SCPEP1: variants seen among roughly 807,000 people sequenced by gnomAD.
SCPEP1 encodes retinoid-inducible serine carboxypeptidase.
In SCPEP1, 51 loss-of-function variants were observed where a neutral mutation model predicts 63.8. The ratio of observed to expected loss-of-function variants is 0.80; its 90% CI spans 0.64 to 1.01. The LOEUF (loss-of-function observed/expected upper bound fraction) is 1.01, where lower values mean the gene tolerates loss of function less well. SCPEP1 is among the 50% of genes least tolerant of loss of function. The pLI, the probability that SCPEP1 is intolerant of heterozygous loss-of-function variation, is 0.00. For synonymous variants in SCPEP1, 204 were observed against 207.8 expected (o/e 0.98, Z 0.16); for missense variants, 499 against 554.9 (o/e 0.90, Z 1.01).
At position 57,006,454 on chromosome 17, in the gene SCPEP1, ATTTGT is replaced by A. The variant is rs1488159296; in HGVS notation, c.*224_*228del. On this transcript the variant is annotated 3_prime_UTR_variant, in exon 13 of 13. Transcript: ENST00000262288. The stretch of plus-strand genomic sequence containing the variant: ...AAACCTAAGATTTTTTAAAAAATTG[ATTTGT>A]TTTGATCAAAATAAAGGATGATAAT... 8.2e-6 allele frequency: 3 copies of A among 366,914 alleles called. No individual in the cohort carries two copies. The highest frequency in any genetic ancestry group is 4.5e-5 in the Admixed American group (1 of 22,242). The allele number at this position is 366,914 out of a possible 1,614,324, so 22.7% of individuals were successfully genotyped here. A position where few individuals can be genotyped will look rare whatever the true frequency, so the allele number is the denominator to read the frequency against.
Position 56,985,427 on chromosome 17 carries a change from G to T in SCPEP1, c.275G>T (p.Gly92Val). The T allele has an allele frequency of 6.2e-7, 1 of 1,614,154 alleles. No individual in the cohort carries two copies. The highest frequency in any genetic ancestry group is 8.5e-7 in the Non-Finnish European group (1 of 1,180,024). Residue 92 changes from glycine (G) to valine (V), a missense_variant, in exon 3 of 13, where the codon GGG becomes GTG. Transcript: ENST00000262288. Reference protein sequence around the residue: ...STGFGNFEEIGPLDSDLKPRK... With the variant: ...STGFGNFEEIVPLDSDLKPRK... ...GGATTTGGAAACTTTGAGGAAATTG[G>T]GCCCCTTGACAGTGATCTCAAACCA...
chr17:56,996,836 T>C, intron 8 of SCPEP1, 126 bp from the exon 9 acceptor site: 1 of 570,462 alleles, frequency 1.8e-6, no homozygotes, highest in Non-Finnish European at 3.0e-6. Context: ...TATTTCTTTC[T>C]GATCCAAGCA....
chr17:56,989,764 T>C (rs1727690855), intron 5 of SCPEP1, among the ~76,000 whole-genome samples: 1 of 152,132 alleles, frequency 6.6e-6, no homozygotes, highest in Non-Finnish European at 1.5e-5. Context: ...CTAGCCAACA[T>C]GGTGAAACCC....
rs146229373 is a variant in SCPEP1, at chr17:56,997,106, A to G, written c.880+51A>G. 2.0e-4 allele frequency: 231 copies of G among 1,161,306 alleles called. No individual in the cohort carries two copies. The Admixed American group carries it at 5.5e-3, about 28-fold the overall frequency. The allele number at this position is 1,161,306 out of a possible 1,614,324, so 71.9% of individuals were successfully genotyped here. ...GTCCCTGCCTCAGCCTCCATGCAAA[A>G]AGAAACCTGTTTATTAAAAAAAAAA... is the stretch of plus-strand genomic sequence containing the variant. On this transcript the variant is annotated intron_variant, in intron 9 of 12. Transcript: ENST00000262288.
At chr17:56,988,127 C>G in intron 4 of SCPEP1, 89 bp from the exon 5 acceptor site, 1 of 1,087,452 alleles carries the variant, frequency 9.2e-7, no homozygotes, top group Non-Finnish European at 1.4e-6. Flanking sequence ...TTTTTCTGGT[C>G]ATTACGTGCA....
In SCPEP1 at chr17:56,998,502, C is replaced by T; in HGVS notation, c.994+4C>T. 1 of 1,595,966 alleles carries T rather than the reference C, an allele frequency of 6.3e-7. No homozygotes were observed. The highest frequency in any genetic ancestry group is 8.6e-7 in the Non-Finnish European group (1 of 1,163,744). On this transcript the variant is annotated splice_donor_region_variant and intron_variant, in intron 10 of 12. Transcript: ENST00000262288. ...CCTGAGGATCAATCCTGGGGAGGTA[C>T]TTATATGACCTAATTAAGTGCCGTT...
intron 2 of SCPEP1, 183 bp from the exon 3 acceptor site, chr17:56,985,195 C>T (rs892868000): frequency 1.6e-6 from 1 of 613,488 alleles, no homozygotes; most frequent in African/African-American, 1.9e-5. Context: ...AGAGAAAAAC[C>T]TCAGCAGTTA....
At chr17:56,998,295 G>A (rs549582686) in intron 9 of SCPEP1, 90 bp from the exon 10 acceptor site, 1 of 835,250 alleles carries the variant, frequency 1.2e-6, no homozygotes, top group African/African-American at 1.7e-5. Context: ...TGGAGACAGA[G>A]AGAGATTCTG....
At chr17:56,988,094 G>A in intron 4 of SCPEP1, 122 bp from the exon 5 acceptor site, 1 of 824,086 alleles carries the variant, frequency 1.2e-6, no homozygotes, top group South Asian at 1.8e-5. Context: ...GAGTGGTGGG[G>A]GAGGAAGACA....
intron 3 of SCPEP1, 52 bp downstream of exon 3, chr17:56,985,519 C>T (rs760737675): frequency 2.2e-6 from 3 of 1,365,588 alleles, no homozygotes; most frequent in Non-Finnish European, 3.1e-6. Context: ...CTCTCAGAGG[C>T]CCTGCCCAAC....
At chr17:56,992,043 A>G (rs1353107923) in intron 6 of SCPEP1, among the ~76,000 whole-genome samples, 2 of 152,256 alleles carry the variant, frequency 1.3e-5, no homozygotes, top group African/African-American at 4.8e-5. Flanking sequence ...AAGGAGGGAA[A>G]TAAGCAGGAA....
intron 8 of SCPEP1, among the ~76,000 whole-genome samples, chr17:56,996,245 C>T (rs1326203003): frequency 6.6e-6 from 1 of 152,048 alleles, no homozygotes; most frequent in African/African-American, 2.4e-5. Flanking sequence ...GAGACACTCG[C>T]CCAGGCTGGA....
intron 11 of SCPEP1, 117 bp downstream of exon 11, chr17:57,001,109 C>A: frequency 9.3e-7 from 1 of 1,069,862 alleles, no homozygotes; most frequent in Non-Finnish European, 1.4e-6. Flanking sequence ...GGTGGAAGGC[C>A]ATTTCCCATT....
Position 57,002,656 on chromosome 17 carries a change from G to C in SCPEP1, c.1296+475G>C, listed in dbSNP as rs190731131. Among the ~76,000 whole-genome samples the C allele has an allele frequency of 3.3e-5, 5 of 152,164 alleles. No individual in the cohort carries two copies. The East Asian group carries it at 9.7e-4, about 29-fold the overall frequency. ...CGGGAGGTGGAGGCTGCAGTGAGCC[G>C]AGATAGCACCACTGCACTCCAGCCT... On this transcript the variant is annotated intron_variant, in intron 12 of 12. Coordinates refer to ENST00000262288, the MANE Select transcript of SCPEP1 (RefSeq NM_021626.3).
In SCPEP1 at chr17:56,978,175, C is replaced by A; in HGVS notation, c.16C>A (p.Arg6=). MELAL[R]RSPVPRWLLL... Reference sequence around the variant, plus strand: ...GGTACTTGTCATGGAGCTGGCACTGCGGCGCTCTCCCGTCCCGCGGTGGTT... The same window carrying A: ...GGTACTTGTCATGGAGCTGGCACTGAGGCGCTCTCCCGTCCCGCGGTGGTT... Residue 6 remains arginine (R), a synonymous_variant, in exon 1 of 13, where the codon CGG becomes AGG. Coordinates refer to ENST00000262288, the MANE Select transcript of SCPEP1 (RefSeq NM_021626.3). 6.5e-7 allele frequency: 1 copy of A among 1,526,866 alleles called. No homozygotes were observed. The highest frequency in any genetic ancestry group is 8.9e-7 in the Non-Finnish European group (1 of 1,122,702). 94.6% of individuals were successfully genotyped at this position (1,526,866 alleles called of 1,614,324 possible).
chr17:56,980,446 C>A (rs1346461970), intron 1 of SCPEP1, among the ~76,000 whole-genome samples: 1 of 152,060 alleles, frequency 6.6e-6, no homozygotes, highest in Non-Finnish European at 1.5e-5. Context: ...GATATAAAAA[C>A]CAGTATATTG....
chr17:57,003,180 A>AC (rs1911791557), intron 12 of SCPEP1, among the ~76,000 whole-genome samples: 1 of 152,118 alleles, frequency 6.6e-6, no homozygotes, highest in South Asian at 2.1e-4. Flanking sequence ...AGCAGTGAAT[A>AC]CAAGGTCCAC....
intron 10 of SCPEP1, 125 bp downstream of exon 10, chr17:56,998,623 A>G (rs895134813): frequency 8.6e-6 from 6 of 695,932 alleles, no homozygotes; most frequent in Non-Finnish European, 1.6e-5. Flanking sequence ...GGTAAACAAT[A>G]TTACTATCCA....
At chr17:57,006,058 A>G (rs1257562807) in intron 12 of SCPEP1, 115 bp from the exon 13 acceptor site, 3 of 711,474 alleles carry the variant, frequency 4.2e-6, no homozygotes, top group Non-Finnish European at 7.2e-6. Flanking sequence ...GTGTCTGCAC[A>G]GGTTGCTGTC....
Sources: allele counts gnomAD v4.1 joint callset (sites outside exome capture counted in the v4.1 genomes callset), GRCh38; gene constraint gnomAD v4.1.1; transcripts MANE v1.5; gene names NCBI Gene and HGNC (gene_info 2026-07-23, HGNC 2026-07-21).